FAT2: variants seen among roughly 807,000 people sequenced by gnomAD.
FAT2 encodes the protein FAT atypical cadherin 2.
Under a neutral mutation model 295.3 loss-of-function variants are expected in FAT2, and 150 were observed. That is an observed-to-expected ratio of 0.51 (90% CI 0.44 to 0.58). FAT2 has a LOEUF of 0.58. Among genes scored for constraint, FAT2 ranks in the 20% least tolerant of loss-of-function variants. The pLI is 0.00. For synonymous variants in FAT2, 2,026 were observed against 2,150.3 expected (o/e 0.94, Z 1.60); for missense variants, 4,868 against 5,442.7 (o/e 0.89, Z 3.32).
At chr5:151,546,360 C>G in intron 9 of FAT2, 23 bp from the exon 10 acceptor site, 1 of 1,583,236 alleles carries the variant, frequency 6.3e-7, no homozygotes, top group Non-Finnish European at 8.6e-7. Flanking sequence ...ACAAGACAAA[C>G]AAGTTTGCCA....
Position 151,507,459 on chromosome 5 carries a change from C to T in FAT2, c.12212G>A (p.Arg4071His), listed in dbSNP as rs1448093304. The change falls in exon 23 of 24, where the codon CGC (arginine) becomes CAC (histidine). Residue 4071 changes from arginine to histidine, a missense_variant. Coordinates refer to ENST00000261800, the MANE Select transcript of FAT2 (RefSeq NM_001447.3). ...ISTVGLLFYC[R>H]RCKSHKPVAM... ...CACAGGCTTGTGAGACTTGCAACGG[C>T]GGCAGTAGAAGAGAAGCCCGACAGT... The T allele has an allele frequency of 6.2e-6, 10 of 1,613,968 alleles. No individual in the cohort carries two copies. The highest frequency in any genetic ancestry group is 4.5e-5 in the East Asian group (2 of 44,886).
intron 5 of FAT2, 131 bp downstream of exon 5, chr5:151,554,230 CT>C (rs1757486462): frequency 1.2e-6 from 1 of 834,294 alleles, no homozygotes. Context: ...CCCAGTTTCT[CT>C]GGGAGAAGGC....
At chr5:151,590,633 A>T (rs978794441) in intron 1 of FAT2, among the ~76,000 whole-genome samples, 1 of 152,170 alleles carries the variant, frequency 6.6e-6, no homozygotes, top group Non-Finnish European at 1.5e-5. Context: ...CAGCAGCTAC[A>T]GGAGAACCAG....
intron 3 of FAT2, among the ~76,000 whole-genome samples, chr5:151,560,899 C>T (rs1311799444): frequency 6.6e-6 from 1 of 152,192 alleles, no homozygotes. Flanking sequence ...TGTTGAGCTC[C>T]TACTGTGTGA....
chr5:151,565,418 A>T (rs1410644872), intron 2 of FAT2, among the ~76,000 whole-genome samples: 1 of 152,142 alleles, frequency 6.6e-6, no homozygotes, highest in Non-Finnish European at 1.5e-5. Context: ...ATTTATAATC[A>T]GATGTATTAC....
Position 151,512,260 on chromosome 5 carries a change from T to G in FAT2, c.11810A>C (p.Glu3937Ala), listed in dbSNP as rs1429232234. The change falls in exon 21 of 24, where the codon GAG becomes GCG. Residue 3937 changes from glutamate (E) to alanine (A), a missense_variant. By Grantham distance (107) the Glu-to-Ala change is moderately radical. Coordinates refer to ENST00000261800, the MANE Select transcript of FAT2 (RefSeq NM_001447.3). This position sits in a 1 kb window ranked among gnomAD's most constrained non-coding sequence, Gnocchi z 4.1. ...APGKTVAGLL[E>A]TQALTQCCLH... ...GCAGCACTGGGTGAGGGCTTGTGTCTCCAGCAAGCCTGCCACCGTCTTGCC... is the reference window on the plus strand; with the variant it reads ...GCAGCACTGGGTGAGGGCTTGTGTCGCCAGCAAGCCTGCCACCGTCTTGCC... 6.2e-7 allele frequency: 1 copy of G among 1,614,188 alleles called. No individual in the cohort carries two copies. The highest frequency in any genetic ancestry group is 2.2e-5 in the East Asian group (1 of 44,884).
intron 12 of FAT2, among the ~76,000 whole-genome samples, chr5:151,535,764 C>G (rs1005700693): frequency 4.6e-5 from 7 of 151,998 alleles, no homozygotes; most frequent in African/African-American, 1.7e-4. Flanking sequence ...GTGGACAGAG[C>G]CCTAAACCCA....
intron 3 of FAT2, among the ~76,000 whole-genome samples, chr5:151,556,708 C>T (rs558871159): frequency 1.3e-5 from 2 of 152,256 alleles, no homozygotes; most frequent in East Asian, 3.9e-4. Flanking sequence ...ATATTCAATA[C>T]TTTATTTTAA....
At chr5:151,525,730 C>A (rs1285215729) in intron 18 of FAT2, 38 bp downstream of exon 18, 1 of 1,610,566 alleles carries the variant, frequency 6.2e-7, no homozygotes. Flanking sequence ...TCTTTACTGT[C>A]CCCATGGTCA....
chr5:151,522,629 G>T (rs1753592911), intron 18 of FAT2, among the ~76,000 whole-genome samples: 2 of 152,198 alleles, frequency 1.3e-5, no homozygotes, highest in African/African-American at 4.8e-5. Flanking sequence ...AAATAACTTG[G>T]ATAAAATGCT....
chr5:151,559,722 C>G (rs1757941456), intron 3 of FAT2, among the ~76,000 whole-genome samples: 1 of 152,082 alleles, frequency 6.6e-6, no homozygotes, highest in Non-Finnish European at 1.5e-5. Flanking sequence ...TTCTGCCTCT[C>G]ACCACTGCCT....
chr5:151,533,359 A>G (rs1285801749), intron 13 of FAT2, among the ~76,000 whole-genome samples: 1 of 150,250 alleles, frequency 6.7e-6, no homozygotes, highest in Non-Finnish European at 1.5e-5. Flanking sequence ...TCTGTATCTC[A>G]AGCAAGTCTA....
At chr5:151,592,592 C>T (rs1003390630), upstream of FAT2, among the ~76,000 whole-genome samples, 3 of 152,154 alleles carry the variant, frequency 2.0e-5, no homozygotes, top group African/African-American at 7.2e-5. Flanking sequence ...ACTCTTCCAC[C>T]TGGTTAATAA....
At chr5:151,528,625 G>C (rs1754271610) in intron 15 of FAT2, among the ~76,000 whole-genome samples, 1 of 152,118 alleles carries the variant, frequency 6.6e-6, no homozygotes, top group Non-Finnish European at 1.5e-5. Context: ...TTTGGGGAAA[G>C]GTAGATATTC....
Position 151,529,251 on chromosome 5 carries a change from C to T in FAT2, c.9953G>A (p.Arg3318Gln), listed in dbSNP as rs7718054. 0.046 allele frequency: 73,666 copies of T among 1,613,876 alleles called. 2,164 individuals are homozygous for T. Among genetic ancestry groups the T allele is most frequent in the African/African-American group, 0.13 (9,985 of 74,938 alleles). ...MVNITDVNEH[R>Q]PQFPQDPYST... is the part of the protein sequence containing the mutation. ...ATATGGATCTTGGGGGAATTGGGGC[C>T]GGTGTTCATTGACATCAGTGATGTT... Residue 3318 changes from arginine to glutamine, a missense_variant, in exon 15 of 24, where the codon CGG becomes CAG. Physicochemically the swap from Arg to Gln is conservative, Grantham distance 43 (BLOSUM62 1). Coordinates refer to ENST00000261800, the MANE Select transcript of FAT2 (RefSeq NM_001447.3).
At chr5:151,539,026 T>G (rs566129967) in intron 11 of FAT2, among the ~76,000 whole-genome samples, 1 of 152,190 alleles carries the variant, frequency 6.6e-6, no homozygotes, top group South Asian at 2.1e-4. Context: ...GTTCTAGTGA[T>G]GCTGTGAACC....
upstream of FAT2, among the ~76,000 whole-genome samples, chr5:151,592,776 C>G (rs1759463186): frequency 6.6e-6 from 1 of 152,134 alleles, no homozygotes; most frequent in Non-Finnish European, 1.5e-5. Flanking sequence ...AAACTGAGGC[C>G]TGGTTCTATG....
At chr5:151,522,845 G>A (rs1441788033) in intron 18 of FAT2, among the ~76,000 whole-genome samples, 1 of 152,174 alleles carries the variant, frequency 6.6e-6, no homozygotes. Context: ...AGGGAAGCAG[G>A]CCTGACCTCA....
At chr5:151,591,404 C>A (rs555230417), upstream of FAT2, among the ~76,000 whole-genome samples, 2 of 152,180 alleles carry the variant, frequency 1.3e-5, no homozygotes, top group African/African-American at 4.8e-5. Context: ...CCTGCCAGCT[C>A]TCTGTCTCAC....
Sources: allele counts gnomAD v4.1 joint callset (sites outside exome capture counted in the v4.1 genomes callset), GRCh38; gene constraint gnomAD v4.1.1; non-coding constraint Gnocchi (gnomAD v3.1); transcripts MANE v1.5; gene names NCBI Gene and HGNC (gene_info 2026-07-23, HGNC 2026-07-21).